Variants in GTF3C1 observed in about 807,000 individuals in gnomAD.
The protein encoded by GTF3C1 is general transcription factor 3C polypeptide 1.
GTF3C1 carries 57 observed loss-of-function variants against 226.7 expected under a neutral mutation model. The observed-to-expected ratio is 0.25, with a 90% CI of 0.20 to 0.31. GTF3C1 has a LOEUF of 0.31. Ranked by LOEUF, GTF3C1 falls within the 10% of genes least tolerant of loss-of-function variation. GTF3C1 has a pLI of 1.00. For synonymous variants in GTF3C1, 1,090 were observed against 1,084.8 expected (o/e 1.00, Z -0.09); for missense variants, 2,217 against 2,776.1 (o/e 0.80, Z 4.53).
chr16:27,478,589 C>CGGAT, intron 27 of GTF3C1, 58 bp from the exon 28 acceptor site: 1 of 1,173,272 alleles, frequency 8.5e-7, no homozygotes, highest in Non-Finnish European at 1.3e-6. Flanking sequence ...ACTAAGCAAG[C>CGGAT]GGATGCTGGC....
intron 6 of GTF3C1, among the ~76,000 whole-genome samples, chr16:27,515,072 C>T (rs747937116): frequency 2.0e-5 from 3 of 152,058 alleles, no homozygotes; most frequent in Non-Finnish European, 2.9e-5. Flanking sequence ...AAAATAAACA[C>T]GGGTGGAAGG....
chr16:27,476,347 C>T, intron 29 of GTF3C1, 104 bp downstream of exon 29: 1 of 664,728 alleles, frequency 1.5e-6, no homozygotes. Context: ...TTGGGGGAAT[C>T]AGCCCAAGAG....
In GTF3C1 at chr16:27,497,668, T is replaced by A; in HGVS notation, c.2319A>T (p.Ile773=). The change falls in exon 14 of 37, where the codon ATA becomes ATT. Residue 773 remains isoleucine, a synonymous_variant. Coordinates refer to ENST00000356183, the MANE Select transcript of GTF3C1 (RefSeq NM_001520.4). Reference sequence around the variant, plus strand: ...TGGGGTGATAATTTCTAAGCGGGGTTATGCCCATTTTATTATCACTTTTTT... The same window carrying A: ...TGGGGTGATAATTTCTAAGCGGGGTAATGCCCATTTTATTATCACTTTTTT... ...RMKKSDNKMG[I]TPLRNYHPIV... The A allele has an allele frequency of 1.9e-6, 3 of 1,614,014 alleles. No individual in the cohort carries two copies. The East Asian group carries it at 6.7e-5, about 36-fold the overall frequency.
At chr16:27,524,550 A>C (rs1211315738) in intron 6 of GTF3C1, among the ~76,000 whole-genome samples, 1 of 152,226 alleles carries the variant, frequency 6.6e-6, no homozygotes. Flanking sequence ...CAGTGATGGA[A>C]CAAGAATTCT....
At chr16:27,476,216 T>G (rs2087947599) in intron 29 of GTF3C1, among the ~76,000 whole-genome samples, 1 of 152,248 alleles carries the variant, frequency 6.6e-6, no homozygotes, top group African/African-American at 2.4e-5. Flanking sequence ...ACGATTATTC[T>G]GCAATGTATA....
At position 27,497,666 on chromosome 16, in the gene GTF3C1, G is replaced by C. The variant is rs773866193; in HGVS notation, c.2321C>G (p.Thr774Ser). The C allele has an allele frequency of 1.4e-5, 22 of 1,613,856 alleles. No homozygotes were observed. The highest frequency in any genetic ancestry group is 1.9e-5 in the Non-Finnish European group (22 of 1,179,778). ...MKKSDNKMGI[T>S]PLRNYHPIVV... is the part of the protein sequence containing the mutation. ...AATGGGGTGATAATTTCTAAGCGGG[G>C]TTATGCCCATTTTATTATCACTTTT... Residue 774 changes from threonine (T) to serine (S), a missense_variant, in exon 14 of 37, where the codon ACC becomes AGC. Physicochemically the swap from Thr to Ser is moderately conservative, Grantham distance 58. Coordinates refer to ENST00000356183, the MANE Select transcript of GTF3C1 (RefSeq NM_001520.4).
At chr16:27,490,956 A>G (rs1165258081) in intron 19 of GTF3C1, among the ~76,000 whole-genome samples, 1 of 152,216 alleles carries the variant, frequency 6.6e-6, no homozygotes, top group East Asian at 1.9e-4. Flanking sequence ...ACCAATTGTC[A>G]GGCCTGAAAA....
In GTF3C1 at chr16:27,488,535, G is replaced by A. The variant is rs766519199; in HGVS notation, c.3511+19C>T. The A allele has an allele frequency of 3.1e-6, 5 of 1,604,020 alleles. No homozygotes were observed. The highest frequency in any genetic ancestry group is 8.5e-7 in the Non-Finnish European group (1 of 1,170,872). On this transcript the variant is annotated intron_variant, in intron 22 of 36. Coordinates refer to ENST00000356183, the MANE Select transcript of GTF3C1 (RefSeq NM_001520.4). ...CTGGTACCATATTAACTTCTGGGGT[G>A]AACTCCCAGCACACGTACCTCTGGC...
At chr16:27,541,950 G>A (rs145845313) in intron 2 of GTF3C1, among the ~76,000 whole-genome samples, 1 of 152,330 alleles carries the variant, frequency 6.6e-6, no homozygotes, top group African/African-American at 2.4e-5. Context: ...ATTGGTCTCA[G>A]TGCAGCTAGA....
At chr16:27,528,935 A>G (rs2088873971) in intron 5 of GTF3C1, among the ~76,000 whole-genome samples, 1 of 152,212 alleles carries the variant, frequency 6.6e-6, no homozygotes, top group Non-Finnish European at 1.5e-5. Flanking sequence ...AGGGGGAAAG[A>G]GATTCGCTTC....
intron 23 of GTF3C1, among the ~76,000 whole-genome samples, chr16:27,487,537 A>C (rs2088161092): frequency 6.6e-6 from 1 of 152,232 alleles, no homozygotes; most frequent in Non-Finnish European, 1.5e-5. Context: ...GCTTTCCTCT[A>C]ATTTAAAAAT....
chr16:27,467,307 C>T (rs1315752865), intron 32 of GTF3C1, among the ~76,000 whole-genome samples: 1 of 152,234 alleles, frequency 6.6e-6, no homozygotes, highest in Non-Finnish European at 1.5e-5. Flanking sequence ...TCTGCCTGTG[C>T]TCTATAAACA....
Position 27,465,547 on chromosome 16 carries a change from G to T in GTF3C1, c.5075-7C>A, listed in dbSNP as rs1455145790. ...AGCTCTTCCAGAGGAGCGGCTGTGG[G>T]GACACAGAGGAAGATCAGAGGCAGC... is the stretch of plus-strand genomic sequence containing the variant. On this transcript the variant is annotated splice_polypyrimidine_tract_variant and splice_region_variant and intron_variant, in intron 32 of 36. Transcript: ENST00000356183. 3 of 1,591,696 alleles carry T rather than the reference G, an allele frequency of 1.9e-6. No individual in the cohort carries two copies.
chr16:27,510,967 A>G (rs1221664711), intron 7 of GTF3C1, among the ~76,000 whole-genome samples: 1 of 152,212 alleles, frequency 6.6e-6, no homozygotes, highest in Non-Finnish European at 1.5e-5. Flanking sequence ...CAGGCCCTAT[A>G]GCAGCTCTTT....
intron 6 of GTF3C1, among the ~76,000 whole-genome samples, chr16:27,516,213 C>CCCCCCT (rs1364174511): frequency 2.6e-5 from 4 of 152,224 alleles, no homozygotes; most frequent in Non-Finnish European, 5.9e-5. Context: ...TGCGAAGGCG[C>CCCCCCT]CCCCCTGCTC....
At position 27,507,746 on chromosome 16, in the gene GTF3C1, A is replaced by G. The variant is rs976702721; in HGVS notation, c.1243-590T>C. Among the ~76,000 whole-genome samples, 1 of 152,242 alleles carries G rather than the reference A, an allele frequency of 6.6e-6. No individual in the cohort carries two copies. ...TATAATACTGCCTTCCAGCCAGATG[A>G]CCAGATCGTGAGCAAGATGAGAGTG... is the stretch of plus-strand genomic sequence containing the variant. On this transcript the variant is annotated intron_variant, in intron 8 of 36. Coordinates refer to ENST00000356183, the MANE Select transcript of GTF3C1 (RefSeq NM_001520.4). The surrounding 1 kb of genome is among the most constrained non-coding windows in gnomAD (Gnocchi z 4.9).
intron 29 of GTF3C1, among the ~76,000 whole-genome samples, chr16:27,472,616 C>A (rs574745709): frequency 8.8e-4 from 134 of 152,348 alleles, no homozygotes; most frequent in African/African-American, 2.7e-3. Context: ...GGCCTCACGT[C>A]CCCCAACACC....
At chr16:27,491,913 C>G (rs2088238477) in intron 19 of GTF3C1, among the ~76,000 whole-genome samples, 1 of 152,160 alleles carries the variant, frequency 6.6e-6, no homozygotes, top group Non-Finnish European at 1.5e-5. Flanking sequence ...GTTCCCGAGC[C>G]CTGGAATAAA....
At position 27,469,320 on chromosome 16, in the gene GTF3C1, G is replaced by A. The variant is rs1412326061; in HGVS notation, c.5045C>T (p.Thr1682Ile). Residue 1682 changes from threonine (T) to isoleucine (I), a missense_variant, in exon 32 of 37, where the codon ACC (threonine) becomes ATC (isoleucine). Physicochemically the swap from Thr to Ile is moderately conservative, Grantham distance 89. Transcript: ENST00000356183. The surrounding 1 kb of genome is among the most constrained non-coding windows in gnomAD (Gnocchi z 4.5). Reference sequence around the variant, plus strand: ...GGGCCTGAGCCGGGCGGGCACAGGGGTGCAGCGGAGCTGGAACTTCATCTG... The same window carrying A: ...GGGCCTGAGCCGGGCGGGCACAGGGATGCAGCGGAGCTGGAACTTCATCTG... Reference protein sequence around the residue: ...SCQMKFQLRCTPVPARLRPAA... With the variant: ...SCQMKFQLRCIPVPARLRPAA... The A allele has an allele frequency of 1.3e-6, 2 of 1,578,666 alleles. 1 individual carries two copies. Among genetic ancestry groups the A allele is most frequent in the South Asian group, 2.3e-5 (2 of 86,726 alleles).
Sources: allele counts gnomAD v4.1 joint callset (sites outside exome capture counted in the v4.1 genomes callset), GRCh38; gene constraint gnomAD v4.1.1; non-coding constraint Gnocchi (gnomAD v3.1); transcripts MANE v1.5; gene names NCBI Gene and HGNC (gene_info 2026-07-23, HGNC 2026-07-21).